The following DMD variants were observed in gnomAD, a reference collection of about 807,000 sequenced individuals.
The protein encoded by DMD is dystrophin, also known as mutant dystrophin.
DMD carries 63 observed loss-of-function variants against 330.1 expected under a neutral mutation model. The ratio of observed to expected loss-of-function variants is 0.19; its 90% confidence interval spans 0.16 to 0.24. The LOEUF (loss-of-function observed/expected upper bound fraction) is 0.24. DMD is among the 10% of genes least tolerant of loss of function. DMD has a pLI of 1.00. For synonymous variants in DMD, 1,223 were observed against 959.8 expected (o/e 1.27, Z -5.07); for missense variants, 3,344 against 2,684.1 (o/e 1.25, Z -5.43).
At chrX:31,232,246 G>A (rs1435433191) in intron 63 of DMD, among the ~76,000 whole-genome samples, 2 of 110,966 alleles carry the variant, frequency 1.8e-5, no homozygotes, top group Non-Finnish European at 3.8e-5. Context: ...GCAGAGCCCT[G>A]CACATCGTGT....
At position 32,239,902 on chromosome X, in the gene DMD, T is replaced by C. The variant is rs1274018135; in HGVS notation, c.6291-22839A>G. On this transcript the variant is annotated intron_variant, in intron 43 of 78. Transcript: ENST00000357033. ...TACAGTGACTAGTCTCACTGTGAGA[T>C]AATAATTTTATAGCTATCTTTAAAA... Among the ~76,000 whole-genome samples the C allele has an allele frequency of 2.7e-5, 3 of 112,279 alleles. No homozygotes were observed. In the East Asian group the frequency reaches 8.4e-4, roughly 32 times the overall value.
At chrX:31,707,483 G>A (rs2084285868) in intron 52 of DMD, among the ~76,000 whole-genome samples, 2 of 110,421 alleles carry the variant, frequency 1.8e-5, no homozygotes, top group Admixed American at 1.9e-4. Context: ...AGGAGGGAGG[G>A]GAGTGGGTTA....
At chrX:31,320,549 T>C (rs954466468) in intron 62 of DMD, among the ~76,000 whole-genome samples, 1 of 111,975 alleles carries the variant, frequency 8.9e-6, no homozygotes, top group Non-Finnish European at 1.9e-5. Context: ...TTTTTGTTCT[T>C]TTTAGACCAA....
At chrX:31,454,182 C>G (rs112724266) in intron 59 of DMD, among the ~76,000 whole-genome samples, 1 of 111,112 alleles carries the variant, frequency 9.0e-6, no homozygotes, top group Non-Finnish European at 1.9e-5. Flanking sequence ...CTTGTCGCCC[C>G]GGCTGGAGTG....
chrX:32,733,788 C>A (rs1349827084), intron 7 of DMD, among the ~76,000 whole-genome samples: 1 of 105,291 alleles, frequency 9.5e-6, no homozygotes, highest in African/African-American at 3.5e-5. Flanking sequence ...ATTTATAGCA[C>A]TAAATGCCCA....
In DMD at chrX:32,667,767, G is replaced by GTT. The variant is rs201162726; in HGVS notation, c.961-22617_961-22616dup. 4.2e-3 allele frequency among the ~76,000 whole-genome samples: 342 copies of GTT among 81,665 alleles called. 6 individuals carry two copies. The highest frequency in any genetic ancestry group is 0.014 in the African/African-American group (279 of 19,838). The allele number at this position is 81,665 out of a possible 115,157, so 70.9% of individuals were successfully genotyped here. A position where few individuals can be genotyped will look rare whatever the true frequency, so the allele number is the denominator to read the frequency against. On this transcript the variant is annotated intron_variant, in intron 9 of 78. Coordinates refer to ENST00000357033, the MANE Select transcript of DMD (RefSeq NM_004006.3). Reference sequence around the variant, plus strand: ...AGTTCTCACCATTCTCTGCTTTTGTGTTTTTTTTTTTTTTTTTTCCAGTTT... The same window carrying GTT: ...AGTTCTCACCATTCTCTGCTTTTGTGTTTTTTTTTTTTTTTTTTTTCCAGTTT...
chrX:32,732,430 C>T (rs1163739357), intron 7 of DMD, among the ~76,000 whole-genome samples: 3 of 109,907 alleles, frequency 2.7e-5, no homozygotes, highest in African/African-American at 6.7e-5. Context: ...AGATACTCCT[C>T]GAGAAGAGCA....
intron 2 of DMD, among the ~76,000 whole-genome samples, chrX:32,973,264 A>C (rs2092444270): frequency 8.9e-6 from 1 of 112,244 alleles, no homozygotes; most frequent in African/African-American, 3.2e-5. Context: ...ATATACTTTT[A>C]AGACGTAAAG....
At chrX:32,449,418 G>T (rs1005979237) in intron 26 of DMD, among the ~76,000 whole-genome samples, 1 of 109,556 alleles carries the variant, frequency 9.1e-6, no homozygotes, top group South Asian at 3.9e-4. Context: ...ATGAACGAAC[G>T]CCGTTTCTTT....
chrX:31,355,546 T>C (rs770925804), intron 60 of DMD, among the ~76,000 whole-genome samples: 7 of 112,188 alleles, frequency 6.2e-5, no homozygotes, highest in African/African-American at 2.3e-4. Context: ...CAGAAACTCT[T>C]GTGCTGTGAT....
At chrX:31,210,721 T>C (rs745710503) in intron 64 of DMD, among the ~76,000 whole-genome samples, 3 of 112,054 alleles carry the variant, frequency 2.7e-5, no homozygotes, top group Non-Finnish European at 3.8e-5. Context: ...TTCACATAAA[T>C]AGAGGTAAAT....
intron 67 of DMD, among the ~76,000 whole-genome samples, chrX:31,190,638 C>T: frequency 1.4e-5 from 1 of 72,416 alleles, no homozygotes; most frequent in Non-Finnish European, 2.4e-5. Context: ...GGGGGTGCTA[C>T]TAGCATTTAG....
chrX:31,658,317 C>T (rs1374061880), intron 53 of DMD, among the ~76,000 whole-genome samples, 173 bp from the exon 54 acceptor site: 1 of 111,596 alleles, frequency 9.0e-6, no homozygotes, highest in African/African-American at 3.3e-5. Flanking sequence ...ATAAGGTAAC[C>T]CACCTTTCAG....
In DMD at chrX:32,857,159, GAT is replaced by G. The variant is rs1603449510; in HGVS notation, c.94-7341_94-7340del. 1.8e-5 allele frequency among the ~76,000 whole-genome samples: 2 copies of G among 111,805 alleles called. 1 individual carries two copies. The highest frequency in any genetic ancestry group is 1.9e-4 in the Admixed American group (2 of 10,564). ...AGGTGACAGATACTTCACTTACCCT[GAT>G]ATGATTATGCTTCGCATGCCTGTAT... On this transcript the variant is annotated intron_variant, in intron 2 of 78. Transcript: ENST00000357033.
intron 11 of DMD, among the ~76,000 whole-genome samples, chrX:32,632,767 G>A (rs1180318244): frequency 3.6e-5 from 4 of 111,855 alleles, no homozygotes; most frequent in East Asian, 2.9e-4. Context: ...CACAGTGTAC[G>A]AGGTTGAACA....
chrX:32,223,526 A>C (rs952542206), intron 43 of DMD, among the ~76,000 whole-genome samples: 1 of 111,815 alleles, frequency 8.9e-6, no homozygotes, highest in Non-Finnish European at 1.9e-5. Flanking sequence ...TGTCTCCTGG[A>C]ATATGAACAT....
At chrX:32,230,333 C>T (rs1413048922) in intron 43 of DMD, among the ~76,000 whole-genome samples, 3 of 112,140 alleles carry the variant, frequency 2.7e-5, no homozygotes, top group South Asian at 7.4e-4. Flanking sequence ...CAAGCTCTGC[C>T]TCCCAGGTTC....
chrX:31,248,667 G>GT (rs1411998155), intron 63 of DMD, among the ~76,000 whole-genome samples: 2 of 112,108 alleles, frequency 1.8e-5, no homozygotes, highest in African/African-American at 6.5e-5. Context: ...CTGCTCTGCT[G>GT]TTTATTACAG....
chrX:31,471,212 G>A (rs1009031532), intron 59 of DMD, among the ~76,000 whole-genome samples: 10 of 111,614 alleles, frequency 9.0e-5, no homozygotes, highest in African/African-American at 3.3e-4. Context: ...AAAAACGCCT[G>A]CAGCTAGCTC....
Sources: allele counts gnomAD v4.1 joint callset (sites outside exome capture counted in the v4.1 genomes callset), GRCh38; gene constraint gnomAD v4.1.1; transcripts MANE v1.5; gene names NCBI Gene and HGNC (gene_info 2026-07-23, HGNC 2026-07-21).